Variants in XRCC4 observed in about 807,000 individuals in gnomAD.
XRCC4 encodes DNA repair protein XRCC4.
A neutral mutation model predicts 39.1 loss-of-function variants in XRCC4; 28 were observed. That is an observed-to-expected ratio of 0.72 (90% confidence interval 0.53 to 0.98). The LOEUF (loss-of-function observed/expected upper bound fraction) is 0.98. Among genes scored for constraint, XRCC4 ranks in the 50% least tolerant of loss-of-function variants. XRCC4 has a pLI of 0.00. For missense variants in XRCC4, 350 were observed against 376.4 expected (o/e 0.93, Z 0.58); for synonymous variants, 123 against 126.4 (o/e 0.97, Z 0.18).
At chr5:83,373,194 A>G in the XRCC4 span, among the ~76,000 whole-genome samples, 2 of 151,942 alleles carry the variant, frequency 1.3e-5, no homozygotes, top group Middle Eastern at 6.8e-3. Context: ...TCCTGTTTCT[A>G]ATCCGTCTGC....
chr5:83,302,255 AC>A (rs1418216382), intron 7 of XRCC4, among the ~76,000 whole-genome samples: 3 of 147,012 alleles, frequency 2.0e-5, no homozygotes, highest in African/African-American at 8.0e-5. Flanking sequence ...CCAATGGGGT[AC>A]CAAAAAAAAA....
chr5:83,126,405 G>A (rs1352241723), intron 3 of XRCC4, among the ~76,000 whole-genome samples: 1 of 151,996 alleles, frequency 6.6e-6, no homozygotes, highest in Non-Finnish European at 1.5e-5. Context: ...ATTTGTTCTA[G>A]GTGGTTTTTT....
rs528259464 is a variant in XRCC4 at position 83,111,121 on chromosome 5, C to T, written c.233C>T (p.Ala78Val). 2.9e-5 allele frequency: 47 copies of T among 1,611,226 alleles called. No homozygotes were observed. The South Asian group carries it at 4.7e-4, about 16-fold the overall frequency. Residue 78 changes from alanine to valine, a missense_variant, in exon 3 of 8, where the codon GCA becomes GTA. By Grantham distance (64) the Ala-to-Val change is moderately conservative (BLOSUM62 0). Coordinates refer to ENST00000396027, the MANE Select transcript of XRCC4 (RefSeq NM_003401.5). ...GELRKALLSG[A>V]GPADVYTFNF... Reference sequence around the variant, plus strand: ...CTGAGAAAAGCATTGTTGTCAGGAGCAGGACCAGCTGATGTATACACGTTT... The same window carrying T: ...CTGAGAAAAGCATTGTTGTCAGGAGTAGGACCAGCTGATGTATACACGTTT...
chr5:83,140,395 G>A lies in XRCC4; in HGVS notation c.315+29192G>A, dbSNP rs28745329. Among the ~76,000 whole-genome samples, 432 of 152,298 alleles carry A rather than the reference G, an allele frequency of 2.8e-3. 3 individuals are homozygous for A. The highest frequency in any genetic ancestry group is 9.9e-3 in the African/African-American group (413 of 41,564). On this transcript the variant is annotated intron_variant, in intron 3 of 7. Coordinates refer to ENST00000396027, the MANE Select transcript of XRCC4 (RefSeq NM_003401.5). ...GAAGCATCCAGCACAGGAGAAAGATGAAAGCCAGAAGACTCAGCAAGCAGC... is the reference window on the plus strand; with the variant it reads ...GAAGCATCCAGCACAGGAGAAAGATAAAAGCCAGAAGACTCAGCAAGCAGC...
At chr5:83,358,651 G>GGAAT (rs1336769064), downstream of XRCC4, among the ~76,000 whole-genome samples, 1 of 152,098 alleles carries the variant, frequency 6.6e-6, no homozygotes, top group Non-Finnish European at 1.5e-5. Flanking sequence ...TCCAGTAAAT[G>GGAAT]GAATATAGAC....
At chr5:83,111,575 A>G (rs893368933) in intron 3 of XRCC4, among the ~76,000 whole-genome samples, 2 of 149,366 alleles carry the variant, frequency 1.3e-5, no homozygotes, top group Non-Finnish European at 3.0e-5. Context: ...ATCAATCAAA[A>G]TATATCTTTG....
Position 83,104,921 on chromosome 5 carries a change from TGGA to T in XRCC4, c.4_6del (p.Glu2?). ...TTCTCCCATTACAGGTATTAAGAAATGGAGAGAAAAATAAGCAGAATCCACCTT... is the reference window on the plus strand; with the variant it reads ...TTCTCCCATTACAGGTATTAAGAAATGAGAAAAATAAGCAGAATCCACCTT... On this transcript the variant is annotated start_lost and inframe_deletion, in exon 2 of 8. Transcript: ENST00000396027. The T allele has an allele frequency of 6.2e-7, 1 of 1,612,640 alleles. No individual in the cohort carries two copies. The highest frequency in any genetic ancestry group is 8.5e-7 in the Non-Finnish European group (1 of 1,179,036).
chr5:83,146,037 T>C (rs967528416), intron 3 of XRCC4, among the ~76,000 whole-genome samples: 4 of 152,204 alleles, frequency 2.6e-5, no homozygotes, highest in African/African-American at 9.6e-5. Flanking sequence ...TATGTTTATA[T>C]TATTGAACTT....
rs73134624 is a variant in XRCC4, at chr5:83,200,082, A to G, written c.483-3470A>G. Among the ~76,000 whole-genome samples, 255 of 152,276 alleles carry G rather than the reference A, an allele frequency of 1.7e-3. 1 individual carries two copies. Among genetic ancestry groups the G allele is most frequent in the African/African-American group, 6.1e-3 (253 of 41,544 alleles). ...TTCCTGTCCAATTTCTTGAGGCATAAGCTTGACAGGAAGCACGTAATGGAA... is the reference window on the plus strand; with the variant it reads ...TTCCTGTCCAATTTCTTGAGGCATAGGCTTGACAGGAAGCACGTAATGGAA... On this transcript the variant is annotated intron_variant, in intron 4 of 7. Coordinates refer to ENST00000396027, the MANE Select transcript of XRCC4 (RefSeq NM_003401.5).
intron 7 of XRCC4, among the ~76,000 whole-genome samples, chr5:83,301,519 T>C (rs1755284791): frequency 6.6e-6 from 1 of 152,218 alleles, no homozygotes; most frequent in Non-Finnish European, 1.5e-5. Context: ...TCCCATTCTG[T>C]AGTTTACCTG....
At chr5:83,253,268 T>G (rs892961152) in intron 6 of XRCC4, among the ~76,000 whole-genome samples, 1 of 152,310 alleles carries the variant, frequency 6.6e-6, no homozygotes, top group African/African-American at 2.4e-5. Context: ...AAGGTCACAT[T>G]GTAGAAGGAT....
chr5:83,198,197 G>T (rs988169185), intron 4 of XRCC4, among the ~76,000 whole-genome samples: 1 of 152,048 alleles, frequency 6.6e-6, no homozygotes, highest in African/African-American at 2.4e-5. Context: ...AGTTAATTTT[G>T]GGGGAAGCCT....
chr5:83,123,438 C>A (rs978400905), intron 3 of XRCC4, among the ~76,000 whole-genome samples: 2 of 151,506 alleles, frequency 1.3e-5, no homozygotes, highest in African/African-American at 4.8e-5. Context: ...AATTAGATTT[C>A]TTTTAGGAAG....
chr5:83,174,959 T>G, intron 3 of XRCC4, among the ~76,000 whole-genome samples: 1 of 152,342 alleles, frequency 6.6e-6, no homozygotes, highest in East Asian at 1.9e-4. Flanking sequence ...TTCATTTATA[T>G]AAAGCAGATA....
intron 7 of XRCC4, chr5:83,280,602 G>T: frequency 2.4e-6 from 1 of 416,252 alleles, no homozygotes; most frequent in Non-Finnish European, 4.5e-6. Flanking sequence ...GGCATCCCAA[G>T]ACCACCCTTC....
At chr5:83,246,218 T>G (rs1028728919) in intron 6 of XRCC4, among the ~76,000 whole-genome samples, 1 of 152,118 alleles carries the variant, frequency 6.6e-6, no homozygotes, top group East Asian at 1.9e-4. Context: ...TTTCTACTTT[T>G]CCAGCTGTGT....
In XRCC4 at chr5:83,342,302, G is replaced by A. The variant is rs115823815; in HGVS notation, c.894-10829G>A. ...GATTCTGGATATGTTTACCTTAGTG[G>A]TTGACTTTAAAATTTGAATTCTCCA... On this transcript the variant is annotated intron_variant, in intron 7 of 7. Transcript: ENST00000396027. Among the ~76,000 whole-genome samples, 521 of 152,188 alleles carry A rather than the reference G, an allele frequency of 3.4e-3. 4 individuals carry two copies. The highest frequency in any genetic ancestry group is 0.012 in the African/African-American group (496 of 41,530).
chr5:83,237,155 T>G (rs1161775654), intron 6 of XRCC4, among the ~76,000 whole-genome samples: 4 of 152,068 alleles, frequency 2.6e-5, no homozygotes, highest in Non-Finnish European at 5.9e-5. Context: ...AATACAGATG[T>G]TCCTCAAAAA....
At chr5:83,119,950 G>A (rs1228146072) in intron 3 of XRCC4, among the ~76,000 whole-genome samples, 1 of 148,172 alleles carries the variant, frequency 6.7e-6, no homozygotes, top group Admixed American at 6.7e-5. Flanking sequence ...CCAGTGCACT[G>A]CAGCCTGTCC....
Sources: allele counts gnomAD v4.1 joint callset (sites outside exome capture counted in the v4.1 genomes callset), GRCh38; gene constraint gnomAD v4.1.1; transcripts MANE v1.5; gene names NCBI Gene and HGNC (gene_info 2026-07-23, HGNC 2026-07-21).